The following NDUFC1 variants were observed in gnomAD, a reference collection of about 807,000 sequenced individuals.
NDUFC1 encodes NADH:ubiquinone oxidoreductase subunit C1, also known as NADH dehydrogenase [ubiquinone] 1 subunit C1, mitochondrial.
NDUFC1 carries 11 observed loss-of-function variants against 11.6 expected under a neutral mutation model. The observed-to-expected ratio is 0.95, with a 90% confidence interval of 0.60 to 1.58. The LOEUF (loss-of-function observed/expected upper bound fraction) is 1.58, where lower values mean the gene tolerates loss of function less well. Ranked by LOEUF, NDUFC1 falls within the 40% of genes most tolerant of loss-of-function variation. The pLI is 0.00. For missense variants in NDUFC1, 112 were observed against 93.0 expected, an observed-to-expected ratio of 1.20 and a Z score of -0.84; for synonymous variants, 52 against 42.2, an observed-to-expected ratio of 1.23 and a Z score of -0.90.
chr4:139,293,079 C>T (rs1342791698), intron 4 of NDUFC1, among the ~76,000 whole-genome samples: 1 of 152,124 alleles, frequency 6.6e-6, no homozygotes, highest in African/African-American at 2.4e-5. Flanking sequence ...CTCGGCCTCC[C>T]AAAGTGTTGG....
Position 139,295,840 on chromosome 4 carries a change from C to T in NDUFC1, c.-42G>A. 1 of 1,534,464 alleles carries T rather than the reference C, an allele frequency of 6.5e-7. No individual in the cohort carries two copies. The highest frequency in any genetic ancestry group is 8.8e-7 in the Non-Finnish European group (1 of 1,139,928). ...CAGTCTCTCCGAGTTGGCAACAGAA[C>T]CAGCGCCACCTGGCGGCCGGAAGTG... On this transcript the variant is annotated 5_prime_UTR_variant, in exon 3 of 6. Coordinates refer to ENST00000394223, the MANE Select transcript of NDUFC1 (RefSeq NM_001184989.2).
intron 1 of NDUFC1, among the ~76,000 whole-genome samples, chr4:139,298,166 G>A (rs1560942518): frequency 6.6e-6 from 1 of 152,148 alleles, no homozygotes; most frequent in Non-Finnish European, 1.5e-5. Context: ...GCAGCTGGGC[G>A]CCCTGGCTCA....
At position 139,291,597 on chromosome 4, in the gene NDUFC1, C is replaced by T. The variant is rs544543595; in HGVS notation, c.*20+933G>A. On this transcript the variant is annotated intron_variant, in intron 5 of 5. Coordinates refer to ENST00000394223, the MANE Select transcript of NDUFC1 (RefSeq NM_001184989.2). ...AAATAAAATAAAAAGAATCGATTGC[C>T]GTTATACATTCATCACTTCTACAAA... Among the ~76,000 whole-genome samples the T allele has an allele frequency of 5.6e-4, 85 of 151,988 alleles. 1 individual carries two copies. The South Asian group carries it at 7.3e-3, about 13-fold the overall frequency.
intron 4 of NDUFC1, among the ~76,000 whole-genome samples, chr4:139,294,418 C>A (rs1404955237): frequency 6.6e-6 from 1 of 152,042 alleles, no homozygotes; most frequent in Non-Finnish European, 1.5e-5. Flanking sequence ...CTCCAATTAG[C>A]CTCAATTCTC....
chr4:139,297,010 G>A (rs1267102473), intron 2 of NDUFC1, among the ~76,000 whole-genome samples: 2 of 152,168 alleles, frequency 1.3e-5, no homozygotes, highest in Non-Finnish European at 2.9e-5. Flanking sequence ...TAAATGGATT[G>A]CTAAATTGTG....
At chr4:139,297,888 A>C (rs1745533123) in intron 1 of NDUFC1, among the ~76,000 whole-genome samples, 1 of 152,134 alleles carries the variant, frequency 6.6e-6, no homozygotes, top group African/African-American at 2.4e-5. Flanking sequence ...ACATAGGTAG[A>C]TAACTATCTC....
At chr4:139,300,579 C>T (rs1579069908) in intron 1 of NDUFC1, 1 of 152,114 alleles carries the variant, frequency 6.6e-6, no homozygotes, top group African/African-American at 2.4e-5. Context: ...GTTTTACGGT[C>T]AGCTGTTAAT....
intron 1 of NDUFC1, chr4:139,301,899 C>T (rs1745774138): frequency 1.3e-6 from 2 of 1,508,674 alleles, no homozygotes; most frequent in East Asian, 2.5e-5. Flanking sequence ...CACCCCTAAC[C>T]TCGGCCCGGC....
intron 4 of NDUFC1, among the ~76,000 whole-genome samples, chr4:139,293,319 T>C (rs990590739): frequency 6.6e-6 from 1 of 152,082 alleles, no homozygotes; most frequent in African/African-American, 2.4e-5. Flanking sequence ...ACCAACCCCA[T>C]CACGAAACTG....
At chr4:139,296,048 A>G in intron 2 of NDUFC1, 88 bp from the exon 3 acceptor site, 4 of 497,018 alleles carry the variant, frequency 8.0e-6, no homozygotes, top group South Asian at 6.1e-5. Flanking sequence ...CCCCATCTCT[A>G]CGGCTATTCA....
chr4:139,298,532 T>C (rs981502126), intron 1 of NDUFC1, among the ~76,000 whole-genome samples: 3 of 151,490 alleles, frequency 2.0e-5, no homozygotes, highest in Admixed American at 6.6e-5. Flanking sequence ...GGTGGGTGGA[T>C]TGCTTAAGCC....
intron 4 of NDUFC1, among the ~76,000 whole-genome samples, chr4:139,292,905 C>T (rs578244733): frequency 3.9e-5 from 6 of 152,074 alleles, no homozygotes; most frequent in Non-Finnish European, 8.8e-5. Flanking sequence ...ACTGCAACCT[C>T]CTTCTTCTGG....
chr4:139,301,742 C>T (rs1160303911), intron 1 of NDUFC1: 5 of 1,545,556 alleles, frequency 3.2e-6, no homozygotes, highest in Admixed American at 1.9e-5. Flanking sequence ...CTGACCGAGC[C>T]GGGTGGTGGC....
chr4:139,296,101 GAA>G (rs1745466356), intron 2 of NDUFC1, 141 bp from the exon 3 acceptor site: 1 of 435,954 alleles, frequency 2.3e-6, no homozygotes, highest in South Asian at 3.3e-5. Context: ...CCAGAAGAAA[GAA>G]AAGTGTCGTG....
chr4:139,301,115 T>G, intron 1 of NDUFC1: 1 of 158,074 alleles, frequency 6.3e-6, no homozygotes, highest in Non-Finnish European at 1.4e-5. Context: ...AAATTAGGCA[T>G]TTCGTCCATA....
chr4:139,301,209 T>C (rs1745707528), intron 1 of NDUFC1: 1 of 250,668 alleles, frequency 4.0e-6, no homozygotes. Context: ...TGCGAGACTC[T>C]TTCCAAGGAA....
chr4:139,298,229 C>T (rs1308667707), intron 1 of NDUFC1, among the ~76,000 whole-genome samples: 2 of 151,768 alleles, frequency 1.3e-5, no homozygotes, highest in East Asian at 1.9e-4. Flanking sequence ...CACCTGAGGT[C>T]GGGAGTTCAA....
chr4:139,300,926 C>T (rs2110793957), intron 1 of NDUFC1: 1 of 152,340 alleles, frequency 6.6e-6, no homozygotes, highest in South Asian at 2.1e-4. Context: ...GACTAACTAC[C>T]TTTCCAGGCT....
chr4:139,296,662 A>C (rs1456469313), intron 2 of NDUFC1, among the ~76,000 whole-genome samples: 1 of 152,226 alleles, frequency 6.6e-6, no homozygotes, highest in Non-Finnish European at 1.5e-5. Flanking sequence ...TGGTAGTAGT[A>C]AACAATTTAT....
Sources: gnomAD v4.1 joint callset for allele counts (sites outside exome capture counted in the v4.1 genomes callset) on GRCh38, gnomAD v4.1.1 for gene constraint, MANE v1.5 for transcripts, NCBI Gene and HGNC (gene_info 2026-07-23, HGNC 2026-07-21) for gene names.